KLF7: variants seen among roughly 807,000 people sequenced by gnomAD.
The protein encoded by KLF7 is Krueppel-like factor 7.
KLF7 carries 2 observed loss-of-function variants against 27.3 expected under a neutral mutation model. That is an observed-to-expected ratio of 0.07 (90% CI 0.03 to 0.23). KLF7 has a LOEUF of 0.23. Ranked by LOEUF, KLF7 falls within the 10% of genes least tolerant of loss-of-function variation. KLF7 has a pLI of 1.00. For missense variants in KLF7, 221 were observed against 394.1 expected (o/e 0.56, Z 3.72); for synonymous variants, 165 against 162.4 (o/e 1.02, Z -0.12).
At chr2:207,168,014 C>G (rs1301069742), upstream of KLF7, among the ~76,000 whole-genome samples, 1 of 152,114 alleles carries the variant, frequency 6.6e-6, no homozygotes, top group Non-Finnish European at 1.5e-5. Flanking sequence ...ACAAGGTCTC[C>G]CCTTCTCCAT....
At chr2:207,149,598 C>T (rs950351077) in intron 1 of KLF7, among the ~76,000 whole-genome samples, 42 of 152,224 alleles carry the variant, frequency 2.8e-4, no homozygotes, top group African/African-American at 9.9e-4. Flanking sequence ...TCAACCAGTA[C>T]TCTAGGTAAG....
chr2:207,110,398 T>A (rs552063368), intron 2 of KLF7, among the ~76,000 whole-genome samples: 1 of 152,360 alleles, frequency 6.6e-6, no homozygotes, highest in African/African-American at 2.4e-5. Flanking sequence ...ATCTTCTTTT[T>A]GGTAACGAGG....
At chr2:207,088,603 C>T (rs1260766301) in intron 2 of KLF7, 22 bp from the exon 3 acceptor site, 7 of 1,609,860 alleles carry the variant, frequency 4.3e-6, no homozygotes, top group Non-Finnish European at 5.9e-6. Context: ...GATGGAAGGA[C>T]CGTGGTCAGC....
intron 2 of KLF7, among the ~76,000 whole-genome samples, chr2:207,100,821 A>G (rs527855663): frequency 2.0e-5 from 3 of 152,322 alleles, no homozygotes; most frequent in African/African-American, 7.2e-5. Context: ...ATTAAATGAA[A>G]AGTGCTTTTA....
chr2:207,101,866 C>CA (rs2076772730), intron 2 of KLF7, among the ~76,000 whole-genome samples: 1 of 152,196 alleles, frequency 6.6e-6, no homozygotes, highest in African/African-American at 2.4e-5. Flanking sequence ...TGTAGCTCCA[C>CA]AAAACCAAAT....
intron 1 of KLF7, among the ~76,000 whole-genome samples, chr2:207,138,716 G>A (rs1287286266): frequency 2.6e-5 from 4 of 152,278 alleles, no homozygotes; most frequent in East Asian, 3.9e-4. Flanking sequence ...CTCATGGCAA[G>A]ACACCAGTGT....
upstream of KLF7, among the ~76,000 whole-genome samples, chr2:207,171,634 C>G (rs1241509814): frequency 6.6e-6 from 1 of 152,196 alleles, no homozygotes; most frequent in East Asian, 1.9e-4. Context: ...GAGGAAAGAC[C>G]TTCTACCAGG....
At chr2:207,143,727 G>A (rs1028732095) in intron 1 of KLF7, among the ~76,000 whole-genome samples, 2 of 152,178 alleles carry the variant, frequency 1.3e-5, no homozygotes, top group Non-Finnish European at 2.9e-5. Flanking sequence ...CAACGCAGGC[G>A]CCTTCAGCGA....
At chr2:207,098,874 C>G (rs1015569715) in intron 2 of KLF7, among the ~76,000 whole-genome samples, 1 of 149,588 alleles carries the variant, frequency 6.7e-6, no homozygotes, top group Non-Finnish European at 1.5e-5. Flanking sequence ...CCGACCTCAG[C>G]CTCCCAAAGC....
chr2:207,149,553 C>A (rs2078185936), intron 1 of KLF7, among the ~76,000 whole-genome samples: 1 of 152,216 alleles, frequency 6.6e-6, no homozygotes, highest in Non-Finnish European at 1.5e-5. Flanking sequence ...ATCGGGAGAG[C>A]CTCTCACAGA....
rs1416045001 is a variant in KLF7 at position 207,124,144 on chromosome 2, G to A, written c.363C>T (p.Ser121=). Reference sequence around the variant, plus strand: ...GCTGGGCCTGGTTGACGGCTGTGTAGCTGTCTAGAGAAGAGCTGGCCGGCT... The same window carrying A: ...GCTGGGCCTGGTTGACGGCTGTGTAACTGTCTAGAGAAGAGCTGGCCGGCT... ...SLQPASSSLD[S]YTAVNQAQLN... Residue 121 remains serine (S), a synonymous_variant, in exon 2 of 4, where the codon AGC becomes AGT. Transcript: ENST00000309446. The A allele has an allele frequency of 6.2e-7, 1 of 1,614,092 alleles. No homozygotes were observed. Among genetic ancestry groups the A allele is most frequent in the Admixed American group, 1.7e-5 (1 of 60,000 alleles).
rs1450493277 is a variant in KLF7, at chr2:207,075,291, A to G, written c.*5922T>C. On this transcript the variant is annotated 3_prime_UTR_variant, in exon 4 of 4. Transcript: ENST00000309446. ...ACCACCATCATATAATACAAATAAT[A>G]GTTTTAAATCTTAAGACTTTTGTAC... The G allele has an allele frequency of 6.6e-6, 1 of 151,102 alleles. No individual in the cohort carries two copies. Among genetic ancestry groups the G allele is most frequent in the Non-Finnish European group, 1.5e-5 (1 of 67,808 alleles). The allele number at this position is 151,102 out of a possible 1,614,324, so 9.4% of individuals were successfully genotyped here. A position where few individuals can be genotyped will look rare whatever the true frequency, so the allele number is the denominator to read the frequency against.
chr2:207,097,217 C>T (rs754109303), intron 2 of KLF7, among the ~76,000 whole-genome samples: 8 of 151,940 alleles, frequency 5.3e-5, no homozygotes, highest in Non-Finnish European at 1.0e-4. Flanking sequence ...TATTTAATAA[C>T]TTCTTTGGGG....
At chr2:207,101,299 C>T (rs956244679) in intron 2 of KLF7, among the ~76,000 whole-genome samples, 1 of 152,212 alleles carries the variant, frequency 6.6e-6, no homozygotes, top group African/African-American at 2.4e-5. Flanking sequence ...GCTCAGCTCC[C>T]AGTTAGGAAA....
intron 2 of KLF7, among the ~76,000 whole-genome samples, chr2:207,098,808 C>T (rs1012326165): frequency 1.9e-5 from 2 of 104,752 alleles, no homozygotes; most frequent in Non-Finnish European, 3.6e-5. Context: ...TTTGTAGAGA[C>T]GATGCCTCCC....
rs1574396409 is a variant in KLF7, at chr2:207,075,138, A to G, written c.*6075T>C. On this transcript the variant is annotated 3_prime_UTR_variant, in exon 4 of 4. Transcript: ENST00000309446. ...TTTATTACACATATTACATTCTTAA[A>G]TAAAAATGCGTCACATAACATTTTT... 6.6e-6 allele frequency: 1 copy of G among 152,180 alleles called. No homozygotes were observed. Among genetic ancestry groups the G allele is most frequent in the African/African-American group, 2.4e-5 (1 of 41,438 alleles). The allele number at this position is 152,180 out of a possible 1,614,324, so 9.4% of individuals were successfully genotyped here. A position where few individuals can be genotyped will look rare whatever the true frequency, so the allele number is the denominator to read the frequency against.
chr2:207,134,857 G>A (rs1204689996), intron 1 of KLF7, among the ~76,000 whole-genome samples: 1 of 152,144 alleles, frequency 6.6e-6, no homozygotes. Context: ...TGGGGTAATA[G>A]TAGTACCTAC....
chr2:207,153,520 T>C (rs549766532), intron 1 of KLF7, among the ~76,000 whole-genome samples: 2 of 152,182 alleles, frequency 1.3e-5, no homozygotes, highest in South Asian at 2.1e-4. Flanking sequence ...ATGGTTTATT[T>C]TGTAATATAT....
At chr2:207,131,456 C>T (rs1032311650) in intron 1 of KLF7, among the ~76,000 whole-genome samples, 1 of 152,210 alleles carries the variant, frequency 6.6e-6, no homozygotes, top group Non-Finnish European at 1.5e-5. Context: ...AATCTTCAAA[C>T]ATCCCAGAAT....
Sources: allele counts gnomAD v4.1 joint callset (sites outside exome capture counted in the v4.1 genomes callset), GRCh38; gene constraint gnomAD v4.1.1; transcripts MANE v1.5; gene names NCBI Gene and HGNC (gene_info 2026-07-23, HGNC 2026-07-21).